Variants in AGO2 observed in about 807,000 individuals in gnomAD.
AGO2 encodes protein argonaute-2.
Under a neutral mutation model 102.3 loss-of-function variants are expected in AGO2, and 5 were observed. The observed-to-expected ratio is 0.05, with a 90% CI of 0.03 to 0.10. The LOEUF (loss-of-function observed/expected upper bound fraction) is 0.10. Among genes scored for constraint, AGO2 ranks in the 10% least tolerant of loss-of-function variants. The pLI is 1.00. For missense variants in AGO2, 541 were observed against 1,183.7 expected (o/e 0.46, Z 7.97); for synonymous variants, 449 against 473.1 (o/e 0.95, Z 0.66).
At chr8:140,595,931 A>G (rs1314402537) in intron 1 of AGO2, among the ~76,000 whole-genome samples, 4 of 76,828 alleles carry the variant, frequency 5.2e-5, no homozygotes, top group Non-Finnish European at 7.7e-5. Context: ...ATGTATATAA[A>G]TTATATAATA....
Position 140,531,382 on chromosome 8 carries a change from C to A in AGO2, c.*662G>T, listed in dbSNP as rs952614176. 1 of 152,550 alleles carries A rather than the reference C, an allele frequency of 6.6e-6. No individual in the cohort carries two copies. Among genetic ancestry groups the A allele is most frequent in the African/African-American group, 2.4e-5 (1 of 41,436 alleles). The allele number at this position is 152,550 out of a possible 1,614,324, so 9.4% of individuals were successfully genotyped here. A position where few individuals can be genotyped will look rare whatever the true frequency, so the allele number is the denominator to read the frequency against. On this transcript the variant is annotated 3_prime_UTR_variant, in exon 19 of 19. Transcript: ENST00000220592. ...TATTAAAATGGCACTTGTCTGCCAA[C>A]CTCTCTGGACCTGGAAATGCTGTAA...
At chr8:140,588,420 A>AGT (rs1554707846) in intron 1 of AGO2, among the ~76,000 whole-genome samples, 1 of 151,806 alleles carries the variant, frequency 6.6e-6, no homozygotes, top group Non-Finnish European at 1.5e-5. Context: ...GTGTAATAGC[A>AGT]GTGTGTAAAT....
chr8:140,600,958 G>C (rs1241188525), intron 1 of AGO2, among the ~76,000 whole-genome samples: 1 of 151,738 alleles, frequency 6.6e-6, no homozygotes, highest in Non-Finnish European at 1.5e-5. Context: ...AATTCGAATT[G>C]TGTCTAAATC....
rs140355422 is a variant in AGO2 at position 140,619,862 on chromosome 8, G to A, written c.22+15623C>T. Among the ~76,000 whole-genome samples, 589 of 152,302 alleles carry A rather than the reference G, an allele frequency of 3.9e-3. 8 individuals carry two copies. The highest frequency in any genetic ancestry group is 0.013 in the African/African-American group (544 of 41,572). ...GGGGTGGATGTGAATCTGAAACACC[G>A]GTATGATCCCATGGTTTTTAACATG... On this transcript the variant is annotated intron_variant, in intron 1 of 18. Coordinates refer to ENST00000220592, the MANE Select transcript of AGO2 (RefSeq NM_012154.5).
intron 5 of AGO2, among the ~76,000 whole-genome samples, chr8:140,559,878 T>C (rs924006428): frequency 1.3e-5 from 2 of 152,256 alleles, no homozygotes; most frequent in African/African-American, 4.8e-5. Flanking sequence ...GTAGTTCTTT[T>C]TCAATAAATG....
At chr8:140,553,236 C>T (rs946742805) in intron 10 of AGO2, among the ~76,000 whole-genome samples, 20 of 151,806 alleles carry the variant, frequency 1.3e-4, no homozygotes, top group Non-Finnish European at 2.5e-4. Flanking sequence ...ACATTAAAAA[C>T]CTAGCTGGGT....
At chr8:140,636,528 G>A (rs1237507154), upstream of AGO2, 1 of 152,342 alleles carries the variant, frequency 6.6e-6, no homozygotes, top group East Asian at 1.9e-4. Context: ...CCTTTTCCCA[G>A]ATTTCCCGGA....
At chr8:140,552,818 G>A (rs547520805) in intron 10 of AGO2, among the ~76,000 whole-genome samples, 23 of 152,036 alleles carry the variant, frequency 1.5e-4, no homozygotes, top group Admixed American at 7.2e-4. Context: ...ACTGACATCC[G>A]AAGCTCAATG....
At position 140,557,263 on chromosome 8, in the gene AGO2, C is replaced by T. The variant is rs372789377; in HGVS notation, c.879-27G>A. 4.2e-5 allele frequency: 67 copies of T among 1,592,872 alleles called. No homozygotes were observed. Among genetic ancestry groups the T allele is most frequent in the Admixed American group, 7.0e-5 (4 of 57,334 alleles). On this transcript the variant is annotated intron_variant, in intron 7 of 18. Transcript: ENST00000220592. This position sits in a 1 kb window ranked among gnomAD's most constrained non-coding sequence, Gnocchi z 5.9. ...TGAGGAGCAAAGGGGCTGTTCAGGC[C>T]GAGGGCATCCCGGAGCCCCTTCCCC...
intron 1 of AGO2, among the ~76,000 whole-genome samples, chr8:140,609,775 G>A (rs563222816): frequency 1.3e-5 from 2 of 152,144 alleles, no homozygotes; most frequent in South Asian, 2.1e-4. Context: ...ATGACTGCCC[G>A]GAAAAAGACA....
rs138745106 is a variant in AGO2 at position 140,560,392 on chromosome 8, T to A, written c.637A>T (p.Met213Leu). The A allele has an allele frequency of 1.2e-6, 2 of 1,614,132 alleles. No homozygotes were observed. The highest frequency in any genetic ancestry group is 1.7e-6 in the Non-Finnish European group (2 of 1,179,980). Residue 213 changes from methionine to leucine, a missense_variant, in exon 5 of 19, where the codon ATG (methionine) becomes TTG (leucine). Coordinates refer to ENST00000220592, the MANE Select transcript of AGO2 (RefSeq NM_012154.5). ...HQSVRPSLWKMMLNIDVSATA... is the reference protein window; with the variant it reads ...HQSVRPSLWKLMLNIDVSATA... The stretch of plus-strand genomic sequence containing the variant: ...TGCTTACCATCAATATTCAGCATCA[T>A]TTTCCAGAGAGAAGGCCGGACGGAC...
intron 1 of AGO2, among the ~76,000 whole-genome samples, chr8:140,616,191 AC>A (rs2074141144): frequency 6.6e-6 from 1 of 152,094 alleles, no homozygotes; most frequent in Non-Finnish European, 1.5e-5. Context: ...TCCCATCTGT[AC>A]CCTGCTTTAT....
intron 1 of AGO2, among the ~76,000 whole-genome samples, chr8:140,596,597 A>T (rs1478459748): frequency 6.6e-6 from 1 of 152,274 alleles, no homozygotes; most frequent in Non-Finnish European, 1.5e-5. Context: ...CAAACAAAAA[A>T]GCAAAATAGA....
chr8:140,599,708 C>G (rs2073903669), intron 1 of AGO2, among the ~76,000 whole-genome samples: 1 of 152,170 alleles, frequency 6.6e-6, no homozygotes, highest in African/African-American at 2.4e-5. Context: ...GAAATCAAGA[C>G]CCTCTCACGA....
intron 1 of AGO2, among the ~76,000 whole-genome samples, chr8:140,618,517 T>C (rs920160064): frequency 6.6e-6 from 1 of 151,312 alleles, no homozygotes; most frequent in African/African-American, 2.4e-5. Context: ...TATACAAATA[T>C]GCTTCCCCCA....
rs2072434602 is a variant in AGO2 at position 140,522,668 on chromosome 8, G to GAC, written c.*9375_*9376insGT. On this transcript the variant is annotated 3_prime_UTR_variant, in exon 19 of 19. Coordinates refer to ENST00000220592, the MANE Select transcript of AGO2 (RefSeq NM_012154.5). Reference sequence around the variant, plus strand: ...CTATGGCCATAGCCAAGCTAGACAAGAGAGAGAGAGAGAGACAGAGACAGA... The same window carrying GAC: ...CTATGGCCATAGCCAAGCTAGACAAGACAGAGAGAGAGAGAGACAGAGACAGA... 7.9e-6 allele frequency: 1 copy of GAC among 126,350 alleles called. No individual in the cohort carries two copies. Among genetic ancestry groups the GAC allele is most frequent in the Non-Finnish European group, 1.6e-5 (1 of 62,608 alleles). The allele number at this position is 126,350 out of a possible 1,614,324, so 7.8% of individuals were successfully genotyped here.
chr8:140,627,130 C>T (rs977457681), intron 1 of AGO2, among the ~76,000 whole-genome samples: 7 of 152,224 alleles, frequency 4.6e-5, no homozygotes, highest in African/African-American at 1.7e-4. Context: ...CCTTCCCGCC[C>T]TGCATAAGCT....
chr8:140,557,329 G>T lies in AGO2; in HGVS notation c.879-93C>A. 1.4e-6 allele frequency: 2 copies of T among 1,456,844 alleles called. No individual in the cohort carries two copies. The highest frequency in any genetic ancestry group is 4.7e-5 in the East Asian group (2 of 42,372). 90.2% of individuals were successfully genotyped at this position (1,456,844 alleles called of 1,614,324 possible). ...TTGCGTTTGCTTTTTAGGGTGACGT[G>T]TGAGGAGCAAACATTCAGAGCACTT... On this transcript the variant is annotated intron_variant, in intron 7 of 18. Coordinates refer to ENST00000220592, the MANE Select transcript of AGO2 (RefSeq NM_012154.5). This position sits in a 1 kb window ranked among gnomAD's most constrained non-coding sequence, Gnocchi z 5.9.
intron 1 of AGO2, among the ~76,000 whole-genome samples, chr8:140,611,307 T>C (rs1254942394): frequency 1.3e-5 from 2 of 150,212 alleles, no homozygotes; most frequent in East Asian, 3.9e-4. Context: ...TCAAGTTTAT[T>C]CCACATTGAC....
Sources: allele counts gnomAD v4.1 joint callset (sites outside exome capture counted in the v4.1 genomes callset), GRCh38; gene constraint gnomAD v4.1.1; non-coding constraint Gnocchi (gnomAD v3.1); transcripts MANE v1.5; gene names NCBI Gene and HGNC (gene_info 2026-07-23, HGNC 2026-07-21).